The following IL1RAP variants were observed in gnomAD, a reference collection of about 807,000 sequenced individuals.
The protein encoded by IL1RAP is interleukin 1 receptor accessory protein, also known as interleukin-1 receptor accessory protein.
IL1RAP carries 35 observed loss-of-function variants against 60.7 expected under a neutral mutation model. That is an observed-to-expected ratio of 0.58 (90% confidence interval 0.44 to 0.76). The LOEUF is 0.76. Ranked by LOEUF, IL1RAP falls within the 30% of genes least tolerant of loss-of-function variation. The pLI is 0.00. For synonymous variants in IL1RAP, 268 were observed against 250.9 expected (o/e 1.07, Z -0.64); for missense variants, 572 against 693.9 (o/e 0.82, Z 1.97).
intron 3 of IL1RAP, among the ~76,000 whole-genome samples, chr3:190,578,185 G>T (rs938428860): frequency 5.9e-5 from 9 of 152,108 alleles, no homozygotes; most frequent in Non-Finnish European, 8.8e-5. Context: ...AATGAAAGTT[G>T]AAATGAAAAA....
intron 3 of IL1RAP, among the ~76,000 whole-genome samples, chr3:190,589,377 C>G (rs139174385): frequency 9.9e-5 from 15 of 152,262 alleles, no homozygotes; most frequent in Non-Finnish European, 2.1e-4. Context: ...TTGCTTGCTT[C>G]ACCCAATTTT....
intron 1 of IL1RAP, among the ~76,000 whole-genome samples, chr3:190,543,799 C>T (rs1020304664): frequency 1.6e-4 from 25 of 152,078 alleles, no homozygotes; most frequent in African/African-American, 6.0e-4. Flanking sequence ...GCTGCCAGAT[C>T]GTGGGAGGAT....
Position 190,645,841 on chromosome 3 carries a change from A to AAG in IL1RAP, c.1345_1345+1dup. The AAG allele has an allele frequency of 6.2e-7, 1 of 1,611,936 alleles. No individual in the cohort carries two copies. The highest frequency in any genetic ancestry group is 8.5e-7 in the Non-Finnish European group (1 of 1,178,930). On this transcript the variant is annotated frameshift_variant and splice_region_variant, in exon 11 of 12. Coordinates refer to ENST00000447382, the MANE Select transcript of IL1RAP (RefSeq NM_002182.4). LOFTEE classifies it high-confidence loss of function. ...TTGACCGAGACAGTCTGCCTGGGGG[A>AAG]AGTAGGTATTTCAGAGGAGTACAAA...
chr3:190,645,853 C>A lies in IL1RAP; in HGVS notation c.1345+11C>A. ...GTCTGCCTGGGGGAAGTAGGTATTT[C>A]AGAGGAGTACAAATGATGCTACCTT... is the stretch of plus-strand genomic sequence containing the variant. On this transcript the variant is annotated intron_variant, in intron 11 of 11. Transcript: ENST00000447382. The A allele has an allele frequency of 6.2e-7, 1 of 1,608,456 alleles. No homozygotes were observed.
At chr3:190,593,625 C>T (rs9856858) in intron 3 of IL1RAP, among the ~76,000 whole-genome samples, 1 of 151,840 alleles carries the variant, frequency 6.6e-6, no homozygotes, top group African/African-American at 2.4e-5. Context: ...GCAAGAGAGA[C>T]TGTGTGCAGG....
chr3:190,629,325 T>C, intron 8 of IL1RAP, 25 bp from the exon 9 acceptor site: 1 of 1,540,958 alleles, frequency 6.5e-7, no homozygotes, highest in Non-Finnish European at 8.9e-7. Context: ...CTCAAATGCT[T>C]TGATTTTCTT....
intron 3 of IL1RAP, among the ~76,000 whole-genome samples, chr3:190,584,404 T>G (rs969225470): frequency 4.6e-5 from 7 of 152,228 alleles, no homozygotes; most frequent in African/African-American, 1.7e-4. Context: ...TATGGTAAGG[T>G]CATTAGGTAT....
chr3:190,656,327 C>G (rs746462019), downstream of IL1RAP: 82 of 1,537,090 alleles, frequency 5.3e-5, no homozygotes, highest in South Asian at 6.3e-4. Flanking sequence ...AGCCCTCCAG[C>G]CCCAGGCACA....
chr3:190,589,272 C>T (rs2108706314), intron 3 of IL1RAP, among the ~76,000 whole-genome samples: 1 of 152,334 alleles, frequency 6.6e-6, no homozygotes, highest in South Asian at 2.1e-4. Context: ...AACCTAGCCA[C>T]TCAGCACCCC....
rs770502930 is a variant in IL1RAP at position 190,644,318 on chromosome 3, CATT to C, written c.1123_1125del (p.Ile375del). ...CCACAGTCCTGCTAGTGGTGATTCT[CATT>C]GTTGTTTACCATGTTTACTGGCTAG... is the stretch of plus-strand genomic sequence containing the variant. On this transcript the variant is annotated inframe_deletion, in exon 10 of 12. Coordinates refer to ENST00000447382, the MANE Select transcript of IL1RAP (RefSeq NM_002182.4). 10 of 1,613,984 alleles carry C rather than the reference CATT, an allele frequency of 6.2e-6. No individual in the cohort carries two copies. Among genetic ancestry groups the C allele is most frequent in the South Asian group, 5.5e-5 (5 of 91,076 alleles).
At chr3:190,640,490 T>C (rs1733576924) in intron 9 of IL1RAP, among the ~76,000 whole-genome samples, 1 of 152,218 alleles carries the variant, frequency 6.6e-6, no homozygotes, top group Non-Finnish European at 1.5e-5. Context: ...AAGCATTCCC[T>C]TTGTTTACAA....
chr3:190,653,777 A>G (rs565220971), downstream of IL1RAP, among the ~76,000 whole-genome samples: 2 of 152,194 alleles, frequency 1.3e-5, 1 homozygote, highest in Admixed American at 1.3e-4. Context: ...CTAAATTACT[A>G]CTCCTCCAAG....
intron 2 of IL1RAP, among the ~76,000 whole-genome samples, chr3:190,560,454 G>C (rs932236910): frequency 2.0e-5 from 3 of 152,218 alleles, no homozygotes; most frequent in African/African-American, 7.2e-5. Flanking sequence ...TTATCTAGCT[G>C]ACTGCAAGTC....
chr3:190,567,747 G>GC (rs1281511719), intron 3 of IL1RAP, among the ~76,000 whole-genome samples: 3 of 152,098 alleles, frequency 2.0e-5, no homozygotes, highest in African/African-American at 7.2e-5. Flanking sequence ...CGCTTATCCT[G>GC]CCCCCTCACA....
rs77152095 is a variant in IL1RAP, at chr3:190,600,873, T to A, written c.65-3255T>A. On this transcript the variant is annotated intron_variant, in intron 3 of 11. Coordinates refer to ENST00000447382, the MANE Select transcript of IL1RAP (RefSeq NM_002182.4). ...TTCTCTGCTGCTGGTTTAGGATTTG[T>A]CTTTTTAGGTGTGTTAAGTCTGTTA... Among the ~76,000 whole-genome samples, 80 of 152,356 alleles carry A rather than the reference T, an allele frequency of 5.3e-4. 1 individual carries two copies. The highest frequency in any genetic ancestry group is 1.9e-3 in the African/African-American group (80 of 41,582).
chr3:190,569,249 T>G (rs1174461718), intron 3 of IL1RAP, among the ~76,000 whole-genome samples: 1 of 152,242 alleles, frequency 6.6e-6, no homozygotes, highest in Non-Finnish European at 1.5e-5. Context: ...TGTCGTATTT[T>G]TGCAAGGACA....
chr3:190,564,575 C>T (rs1304017610), intron 3 of IL1RAP: 16 of 541,000 alleles, frequency 3.0e-5, no homozygotes, highest in African/African-American at 1.7e-4. Context: ...GGCAGTGGGC[C>T]GCTGTGTTTA....
intron 5 of IL1RAP, among the ~76,000 whole-genome samples, chr3:190,609,725 C>T (rs1238791288): frequency 1.3e-5 from 2 of 152,152 alleles, no homozygotes; most frequent in Non-Finnish European, 2.9e-5. Context: ...CCACATACAC[C>T]AAAGCCGAAA....
At chr3:190,612,743 T>A (rs1314378177) in intron 5 of IL1RAP, among the ~76,000 whole-genome samples, 1 of 152,184 alleles carries the variant, frequency 6.6e-6, no homozygotes, top group East Asian at 1.9e-4. Flanking sequence ...TCTACTGAAT[T>A]TTTATCACTT....
Sources: gnomAD v4.1 joint callset for allele counts (sites outside exome capture counted in the v4.1 genomes callset) on GRCh38, gnomAD v4.1.1 for gene constraint, MANE v1.5 for transcripts, NCBI Gene and HGNC (gene_info 2026-07-23, HGNC 2026-07-21) for gene names.